DDX4: variants seen among roughly 807,000 people sequenced by gnomAD.
DDX4 encodes DEAD-box helicase 4.
A neutral mutation model predicts 100.0 loss-of-function variants in DDX4; 25 were observed. That is an observed-to-expected ratio of 0.25 (90% confidence interval 0.18 to 0.35). The LOEUF is 0.35. Among genes scored for constraint, DDX4 ranks in the 10% least tolerant of loss-of-function variants. The probability of loss-of-function intolerance (pLI) is 1.00; values close to 1 mark genes in which losing one functional copy is unlikely to be tolerated. For synonymous variants in DDX4, 259 were observed against 275.7 expected (o/e 0.94, Z 0.60); for missense variants, 635 against 882.4 (o/e 0.72, Z 3.55).
At chr5:55,749,263 G>A (rs1759410598) in intron 3 of DDX4, among the ~76,000 whole-genome samples, 1 of 152,070 alleles carries the variant, frequency 6.6e-6, no homozygotes, top group Non-Finnish European at 1.5e-5. Flanking sequence ...GACACTGTCT[G>A]TACAAAAAAT....
Position 55,739,032 on chromosome 5 carries a change from G to A in DDX4, c.69G>A (p.Lys23=), listed in dbSNP as rs1758841092. Residue 23 remains lysine, a splice_region_variant and synonymous_variant, in exon 2 of 22, where the codon AAG becomes AAA. Transcript: ENST00000505374. ...HMSSYVPIFE[K]DRYSGENGDN... ...CTTCCTATGTTCCCATATTTGAGAAGGTAATAACATTTAAAGTTTAGTTAT... is the reference window on the plus strand; with the variant it reads ...CTTCCTATGTTCCCATATTTGAGAAAGTAATAACATTTAAAGTTTAGTTAT... 1 of 1,558,092 alleles carries A rather than the reference G, an allele frequency of 6.4e-7. No homozygotes were observed. Among genetic ancestry groups the A allele is most frequent in the Non-Finnish European group, 8.8e-7 (1 of 1,133,006 alleles).
chr5:55,810,644 A>G (rs1744071820), intron 18 of DDX4, among the ~76,000 whole-genome samples: 1 of 152,160 alleles, frequency 6.6e-6, no homozygotes. Flanking sequence ...AACTCTTACC[A>G]TACAACTCTT....
At chr5:55,780,103 T>G in intron 8 of DDX4, 38 bp downstream of exon 8, 1 of 1,606,542 alleles carries the variant, frequency 6.2e-7, no homozygotes. Flanking sequence ...CTTCATTAAC[T>G]GTTAAAAAGA....
At chr5:55,764,166 T>C in intron 6 of DDX4, 102 bp downstream of exon 6, 1 of 844,634 alleles carries the variant, frequency 1.2e-6, no homozygotes, top group Non-Finnish European at 2.0e-6. Context: ...TTCTAACTTA[T>C]TTAAACCAGA....
intron 18 of DDX4, among the ~76,000 whole-genome samples, chr5:55,808,319 T>A (rs749504567): frequency 2.0e-5 from 3 of 152,236 alleles, no homozygotes; most frequent in Non-Finnish European, 2.9e-5. Context: ...TCTCAACTCG[T>A]CAAAGTCATT....
chr5:55,796,027 A>G (rs547589563), intron 17 of DDX4, among the ~76,000 whole-genome samples: 4 of 152,168 alleles, frequency 2.6e-5, no homozygotes, highest in Non-Finnish European at 4.4e-5. Context: ...TCCAAAGTCC[A>G]AAGAACCTGG....
intron 17 of DDX4, among the ~76,000 whole-genome samples, chr5:55,796,341 G>T (rs995703197): frequency 1.3e-5 from 2 of 152,062 alleles, no homozygotes; most frequent in Admixed American, 6.6e-5. Flanking sequence ...TAACCATTAC[G>T]GTAGTAATCT....
At chr5:55,797,277 A>C (rs188146181) in intron 17 of DDX4, among the ~76,000 whole-genome samples, 131 of 152,250 alleles carry the variant, frequency 8.6e-4, no homozygotes, top group Non-Finnish European at 1.2e-3. Flanking sequence ...CTATTCTAAC[A>C]CTAAACTGTA....
intron 17 of DDX4, among the ~76,000 whole-genome samples, chr5:55,793,071 T>TGTGTGTGTTTGTGTG (rs757473435): frequency 6.7e-6 from 1 of 150,056 alleles, no homozygotes; most frequent in Non-Finnish European, 1.5e-5. Flanking sequence ...TGTGTTGTTG[T>TGTGTGTGTTTGTGTG]TGTTGTTGCA....
At chr5:55,806,804 G>A (rs1028988950) in intron 18 of DDX4, among the ~76,000 whole-genome samples, 23 of 152,204 alleles carry the variant, frequency 1.5e-4, no homozygotes, top group Non-Finnish European at 3.2e-4. Flanking sequence ...ATATTCTGTT[G>A]ATTTGGGTTG....
intron 17 of DDX4, among the ~76,000 whole-genome samples, chr5:55,797,905 T>C (rs1015635343): frequency 6.6e-6 from 1 of 152,208 alleles, no homozygotes; most frequent in Non-Finnish European, 1.5e-5. Context: ...CTACTTTCTA[T>C]GTGTGTCGTG....
At chr5:55,747,603 T>G (rs1261276525) in intron 3 of DDX4, among the ~76,000 whole-genome samples, 5 of 152,198 alleles carry the variant, frequency 3.3e-5, no homozygotes, top group Non-Finnish European at 5.9e-5. Flanking sequence ...AGATTTACCA[T>G]TTTAATGTGT....
At chr5:55,800,426 C>T (rs1382385725) in intron 18 of DDX4, among the ~76,000 whole-genome samples, 2 of 151,686 alleles carry the variant, frequency 1.3e-5, no homozygotes, top group East Asian at 1.9e-4. Context: ...CGGGTTCACG[C>T]CATTCTCCTG....
At chr5:55,767,026 G>T (rs1267032192) in intron 6 of DDX4, 1 of 1,484,768 alleles carries the variant, frequency 6.7e-7, no homozygotes, top group African/African-American at 1.4e-5. Flanking sequence ...AAAACTCTGG[G>T]AATGTTACTT....
intron 18 of DDX4, among the ~76,000 whole-genome samples, chr5:55,813,172 G>C (rs1222648688): frequency 6.6e-6 from 1 of 152,004 alleles, no homozygotes; most frequent in African/African-American, 2.4e-5. Flanking sequence ...GATATTTTGG[G>C]AATGAAGGGA....
intron 10 of DDX4, 52 bp from the exon 11 acceptor site, chr5:55,785,245 T>C (rs1742171699): frequency 8.0e-7 from 1 of 1,251,378 alleles, no homozygotes; most frequent in East Asian, 2.3e-5. Context: ...AAAATAAAGA[T>C]GTGCACAGCC....
intron 7 of DDX4, chr5:55,773,272 C>T (rs1398439752): frequency 6.6e-6 from 1 of 152,224 alleles, no homozygotes. Flanking sequence ...TGTGTGGTTA[C>T]ATCACATTTG....
chr5:55,768,918 A>G (rs1371532451), intron 7 of DDX4, among the ~76,000 whole-genome samples: 1 of 151,972 alleles, frequency 6.6e-6, no homozygotes, highest in Non-Finnish European at 1.5e-5. Flanking sequence ...TTGGCTGTAT[A>G]TTGTCTTTTG....
chr5:55,804,374 G>C (rs1743550160), intron 18 of DDX4, among the ~76,000 whole-genome samples: 1 of 151,870 alleles, frequency 6.6e-6, no homozygotes, highest in African/African-American at 2.4e-5. Flanking sequence ...TGCTTTTGGT[G>C]TTTTAGACAT....
Sources: allele counts gnomAD v4.1 joint callset (sites outside exome capture counted in the v4.1 genomes callset), GRCh38; gene constraint gnomAD v4.1.1; transcripts MANE v1.5; gene names NCBI Gene and HGNC (gene_info 2026-07-23, HGNC 2026-07-21).